Variants in LRPAP1 observed in about 807,000 individuals in gnomAD.
The protein encoded by LRPAP1 is LDL receptor related protein associated protein 1, also known as alpha-2-macroglobulin receptor-associated protein.
LRPAP1 carries 41 observed loss-of-function variants against 39.9 expected under a neutral mutation model. That is an observed-to-expected ratio of 1.03 (90% confidence interval 0.80 to 1.33). The LOEUF (loss-of-function observed/expected upper bound fraction) is 1.33. Ranked by LOEUF, LRPAP1 falls within the 40% of genes most tolerant of loss-of-function variation. The pLI is 0.00. For synonymous variants in LRPAP1, 263 were observed against 212.7 expected, an observed-to-expected ratio of 1.24 and a Z score of -2.06; for missense variants, 565 against 482.3, an observed-to-expected ratio of 1.17 and a Z score of -1.61.
chr4:3,513,988 T>C (rs1478232255), intron 7 of LRPAP1, among the ~76,000 whole-genome samples: 6 of 152,236 alleles, frequency 3.9e-5, no homozygotes, highest in Non-Finnish European at 8.8e-5. Flanking sequence ...CACCGAGCTT[T>C]GCCGTGGTCA....
chr4:3,519,128 G>A, intron 3 of LRPAP1, 137 bp from the exon 4 acceptor site: 2 of 1,423,944 alleles, frequency 1.4e-6, no homozygotes, highest in South Asian at 1.4e-5. Flanking sequence ...CCTCACGAAG[G>A]GCAGGAAAAC....
Position 3,515,045 on chromosome 4 carries a change from C to T in LRPAP1, c.835-117G>A, listed in dbSNP as rs1577203987. 12 of 1,174,610 alleles carry T rather than the reference C, an allele frequency of 1.0e-5. No homozygotes were observed. In the East Asian group the frequency reaches 2.4e-4, roughly 23 times the overall value. The allele number at this position is 1,174,610 out of a possible 1,614,324, so 72.8% of individuals were successfully genotyped here. A position where few individuals can be genotyped will look rare whatever the true frequency, so the allele number is the denominator to read the frequency against. The stretch of plus-strand genomic sequence containing the variant: ...GGCGCCATACCCGGGGCAGGACAGG[C>T]CTTGCGGTGACATGGGCAATGAGGG... On this transcript the variant is annotated intron_variant, in intron 6 of 7. Transcript: ENST00000650182.
At chr4:3,522,072 C>T (rs1443032144) in intron 2 of LRPAP1, among the ~76,000 whole-genome samples, 1 of 152,230 alleles carries the variant, frequency 6.6e-6, no homozygotes, top group Non-Finnish European at 1.5e-5. Flanking sequence ...AAAAAAGTGG[C>T]CTGGATGCCT....
intron 1 of LRPAP1, among the ~76,000 whole-genome samples, chr4:3,525,623 T>A: frequency 6.6e-6 from 1 of 152,124 alleles, no homozygotes; most frequent in East Asian, 1.9e-4. Flanking sequence ...ACTTACCTGC[T>A]GGCGTAGACC....
chr4:3,520,922 G>A (rs1729890482), intron 2 of LRPAP1, among the ~76,000 whole-genome samples: 1 of 152,234 alleles, frequency 6.6e-6, no homozygotes, highest in Non-Finnish European at 1.5e-5. Flanking sequence ...ACCACACGCT[G>A]CCACCAACAT....
rs1729400876 is a variant in LRPAP1 at position 3,507,966 on chromosome 4, T to C, written c.*5008A>G. On this transcript the variant is annotated 3_prime_UTR_variant, in exon 8 of 8. Coordinates refer to ENST00000650182, the MANE Select transcript of LRPAP1 (RefSeq NM_002337.4). ...GATGAAATTCTGCGACAAACCTATC[T>C]TTAAAAAAATGACAAAGGAAGAAAC... 6.6e-6 allele frequency: 1 copy of C among 152,198 alleles called. No homozygotes were observed. Among genetic ancestry groups the C allele is most frequent in the Non-Finnish European group, 1.5e-5 (1 of 68,044 alleles). The allele number at this position is 152,198 out of a possible 1,614,324, so 9.4% of individuals were successfully genotyped here. A position where few individuals can be genotyped will look rare whatever the true frequency, so the allele number is the denominator to read the frequency against.
intron 2 of LRPAP1, among the ~76,000 whole-genome samples, chr4:3,520,765 A>C (rs1197823250): frequency 6.6e-6 from 1 of 152,236 alleles, no homozygotes; most frequent in African/African-American, 2.4e-5. Flanking sequence ...TTCTAACAAA[A>C]AGTTACTGGT....
chr4:3,518,270 C>G lies in LRPAP1; in HGVS notation c.593-78G>C. The G allele has an allele frequency of 2.1e-6, 3 of 1,452,002 alleles. No homozygotes were observed. The South Asian group carries it at 4.1e-5, about 20-fold the overall frequency. 89.9% of individuals were successfully genotyped at this position (1,452,002 alleles called of 1,614,324 possible). On this transcript the variant is annotated intron_variant, in intron 4 of 7. Transcript: ENST00000650182. Reference sequence around the variant, plus strand: ...CCCAGACCACTGTCTAGAACGCCCACTGCTGGGGAGCTCAAACTCGCTCTC... The same window carrying G: ...CCCAGACCACTGTCTAGAACGCCCAGTGCTGGGGAGCTCAAACTCGCTCTC...
At position 3,509,890 on chromosome 4, in the gene LRPAP1, A is replaced by G. The variant is rs548662705; in HGVS notation, c.*3084T>C. 1.5e-4 allele frequency: 23 copies of G among 151,142 alleles called. No individual in the cohort carries two copies. The highest frequency in any genetic ancestry group is 6.6e-4 in the Admixed American group (10 of 15,192). 9.4% of individuals were successfully genotyped at this position (151,142 alleles called of 1,614,324 possible). A position where few individuals can be genotyped will look rare whatever the true frequency, so the allele number is the denominator to read the frequency against. The stretch of plus-strand genomic sequence containing the variant: ...CAACGCGTGGACACTGGAGACTGTT[A>G]AGACACCGATTCTTCCCAACATGTA... On this transcript the variant is annotated 3_prime_UTR_variant, in exon 8 of 8. Transcript: ENST00000650182.
chr4:3,525,787 G>A (rs1158133808), intron 1 of LRPAP1, among the ~76,000 whole-genome samples: 1 of 152,220 alleles, frequency 6.6e-6, no homozygotes, highest in East Asian at 1.9e-4. Context: ...AAGCAAGTGA[G>A]GTGACCGCTG....
chr4:3,515,073 C>T (rs1275875601), intron 6 of LRPAP1, 145 bp from the exon 7 acceptor site: 15 of 888,880 alleles, frequency 1.7e-5, no homozygotes, highest in East Asian at 2.5e-5. Context: ...AATGAGGGGG[C>T]GGCAGCTGGG....
chr4:3,516,014 G>A, intron 6 of LRPAP1, 102 bp downstream of exon 6: 2 of 1,147,820 alleles, frequency 1.7e-6, no homozygotes, highest in African/African-American at 3.1e-5. Flanking sequence ...AGAATCTTGA[G>A]AGAGAGAGCT....
At chr4:3,529,230 C>T (rs969610506) in intron 1 of LRPAP1, among the ~76,000 whole-genome samples, 13 of 151,838 alleles carry the variant, frequency 8.6e-5, no homozygotes, top group Non-Finnish European at 1.3e-4. Flanking sequence ...GGCTGAGGCA[C>T]GAGAATCGCT....
Position 3,512,999 on chromosome 4 carries a change from G to A in LRPAP1, c.1049C>T (p.Ser350Phe). Residue 350 changes from serine to phenylalanine, a missense_variant, in exon 8 of 8, where the codon TCC becomes TTC. Ser to Phe is a radical substitution (Grantham distance 155). Transcript: ENST00000650182. Reference sequence around the variant, plus strand: ...TCAGAGTTCGTTGTGCCGAGCTCTGGAGATCCTGCCGGACAGGTCCTGCAG... The same window carrying A: ...TCAGAGTTCGTTGTGCCGAGCTCTGAAGATCCTGCCGGACAGGTCCTGCAG... ...KHLQDLSGRISRARHNEL is the reference protein window; with the variant it reads ...KHLQDLSGRIFRARHNEL The A allele has an allele frequency of 6.2e-7, 1 of 1,612,778 alleles. No homozygotes were observed. The highest frequency in any genetic ancestry group is 8.5e-7 in the Non-Finnish European group (1 of 1,179,498).
intron 1 of LRPAP1, among the ~76,000 whole-genome samples, chr4:3,526,479 T>G (rs1208857140): frequency 2.6e-5 from 4 of 152,262 alleles, no homozygotes; most frequent in Non-Finnish European, 2.9e-5. Flanking sequence ...AGTATGTGTG[T>G]TATATTTCAA....
At chr4:3,530,544 A>G (rs1327080828) in intron 1 of LRPAP1, among the ~76,000 whole-genome samples, 1 of 152,246 alleles carries the variant, frequency 6.6e-6, no homozygotes, top group Non-Finnish European at 1.5e-5. Flanking sequence ...GGCTCAGTCC[A>G]AAGTGGAGGT....
rs1188293743 is a variant in LRPAP1, at chr4:3,505,407, C to A, written c.*7567G>T. ...CCATCGCTGGGAAGGAGTGGTTTGACCCCTCACCACTGAGAGGAGTAAGGT... is the reference window on the plus strand; with the variant it reads ...CCATCGCTGGGAAGGAGTGGTTTGAACCCTCACCACTGAGAGGAGTAAGGT... On this transcript the variant is annotated 3_prime_UTR_variant, in exon 8 of 8. Transcript: ENST00000650182. Among the ~76,000 whole-genome samples, 1 of 152,236 alleles carries A rather than the reference C, an allele frequency of 6.6e-6. No homozygotes were observed. Among genetic ancestry groups the A allele is most frequent in the South Asian group, 2.1e-4 (1 of 4,832 alleles).
At position 3,512,587 on chromosome 4, in the gene LRPAP1, A is replaced by G. The variant is rs1181331423; in HGVS notation, c.*387T>C. On this transcript the variant is annotated 3_prime_UTR_variant, in exon 8 of 8. Transcript: ENST00000650182. ...GCGGGTGGTTTAAATACTGCACTCTATTTTTTAAGGACTCTGTGCATGGTA... is the reference window on the plus strand; with the variant it reads ...GCGGGTGGTTTAAATACTGCACTCTGTTTTTTAAGGACTCTGTGCATGGTA... 2 of 196,636 alleles carry G rather than the reference A, an allele frequency of 1.0e-5. No individual in the cohort carries two copies. Among genetic ancestry groups the G allele is most frequent in the South Asian group, 1.1e-4 (1 of 9,194 alleles). 12.2% of individuals were successfully genotyped at this position (196,636 alleles called of 1,614,324 possible). A position where few individuals can be genotyped will look rare whatever the true frequency, so the allele number is the denominator to read the frequency against.
chr4:3,530,952 A>C (rs1730232599), intron 1 of LRPAP1, among the ~76,000 whole-genome samples: 1 of 151,858 alleles, frequency 6.6e-6, no homozygotes, highest in Non-Finnish European at 1.5e-5. Context: ...GACTCCACCC[A>C]CTCAACAGAT....
Sources: allele counts gnomAD v4.1 joint callset (sites outside exome capture counted in the v4.1 genomes callset), GRCh38; gene constraint gnomAD v4.1.1; transcripts MANE v1.5; gene names NCBI Gene and HGNC (gene_info 2026-07-23, HGNC 2026-07-21).